Variants in SERPINE2 observed in about 807,000 individuals in gnomAD.
The protein encoded by SERPINE2 is glia-derived nexin.
In SERPINE2, 14 loss-of-function variants were observed where a neutral mutation model predicts 36.3. The observed-to-expected ratio is 0.39, with a 90% confidence interval of 0.25 to 0.60. The LOEUF (loss-of-function observed/expected upper bound fraction) is 0.60, where lower values mean the gene tolerates loss of function less well. SERPINE2 is among the 20% of genes least tolerant of loss of function. The pLI is 0.57. For missense variants in SERPINE2, 418 were observed against 499.6 expected, an observed-to-expected ratio of 0.84 and a Z score of 1.56; for synonymous variants, 192 against 191.8, an observed-to-expected ratio of 1.00 and a Z score of -0.01.
chr2:223,979,444 G>T (rs1250875217), intron 7 of SERPINE2: 1 of 152,140 alleles, frequency 6.6e-6, no homozygotes, highest in Non-Finnish European at 1.5e-5. Context: ...TTCGAGAAAG[G>T]CAATAACACA....
chr2:224,013,484 G>A (rs1387112911), intron 1 of SERPINE2, among the ~76,000 whole-genome samples: 1 of 152,188 alleles, frequency 6.6e-6, no homozygotes, highest in Non-Finnish European at 1.5e-5. Flanking sequence ...GGAAGAGGAG[G>A]GAAGCAGGGG....
At chr2:224,026,289 G>T (rs1338283669) in intron 1 of SERPINE2, among the ~76,000 whole-genome samples, 2 of 152,182 alleles carry the variant, frequency 1.3e-5, no homozygotes, top group Admixed American at 6.5e-5. Context: ...ACATATTTGG[G>T]TTTATTTGTT....
At chr2:223,977,671 C>A (rs980473728) in intron 7 of SERPINE2, 44 bp from the exon 8 acceptor site, 2 of 1,339,826 alleles carry the variant, frequency 1.5e-6, no homozygotes, top group African/African-American at 2.9e-5. Flanking sequence ...TTACATGAGA[C>A]CATGTAAGCA....
chr2:224,006,600 G>A (rs1344569793), intron 1 of SERPINE2, among the ~76,000 whole-genome samples: 3 of 152,272 alleles, frequency 2.0e-5, no homozygotes, highest in South Asian at 2.1e-4. Flanking sequence ...GGAAGCTCAC[G>A]GAAAGCAGGG....
intron 4 of SERPINE2, among the ~76,000 whole-genome samples, chr2:223,988,403 C>A (rs1012631354): frequency 6.6e-6 from 1 of 152,104 alleles, no homozygotes; most frequent in African/African-American, 2.4e-5. Flanking sequence ...AACTCCCAGG[C>A]TCAAGCCATC....
chr2:224,001,397 G>C (rs1401120689), intron 2 of SERPINE2, among the ~76,000 whole-genome samples: 1 of 152,192 alleles, frequency 6.6e-6, no homozygotes, highest in Non-Finnish European at 1.5e-5. Context: ...CCTGGGAAAG[G>C]AGACCTAGTG....
intron 1 of SERPINE2, among the ~76,000 whole-genome samples, chr2:224,009,631 G>T (rs1412530500): frequency 6.6e-6 from 1 of 151,994 alleles, no homozygotes; most frequent in African/African-American, 2.4e-5. Flanking sequence ...GGAGGTGGAG[G>T]CTGCAGTGAG....
intron 4 of SERPINE2, among the ~76,000 whole-genome samples, chr2:223,985,319 A>G (rs1043453373): frequency 6.7e-6 from 1 of 149,282 alleles, no homozygotes; most frequent in Admixed American, 6.6e-5. Context: ...TTTTTTTTAA[A>G]TAAAGTGTAT....
At chr2:224,029,350 G>A (rs1293572709) in intron 1 of SERPINE2, among the ~76,000 whole-genome samples, 1 of 149,056 alleles carries the variant, frequency 6.7e-6, no homozygotes, top group African/African-American at 2.5e-5. Context: ...GCTGTATGAA[G>A]TCCAAAGTGG....
At chr2:224,038,714 A>G (rs1271338818) in intron 1 of SERPINE2, 1 of 605,096 alleles carries the variant, frequency 1.7e-6, no homozygotes, top group Non-Finnish European at 3.0e-6. Context: ...GCCGGCGAGC[A>G]GCTGGAAACC....
intron 1 of SERPINE2, among the ~76,000 whole-genome samples, chr2:224,033,434 AAC>A (rs1487737009): frequency 3.9e-5 from 6 of 152,218 alleles, no homozygotes; most frequent in African/African-American, 1.4e-4. Context: ...ATCTAGACTT[AAC>A]ACTTATGAGA....
intron 1 of SERPINE2, among the ~76,000 whole-genome samples, chr2:224,016,811 G>A (rs1303930194): frequency 6.6e-6 from 1 of 152,152 alleles, no homozygotes; most frequent in Non-Finnish European, 1.5e-5. Context: ...ATAAACTACT[G>A]ACACACAAAA....
intron 4 of SERPINE2, 124 bp downstream of exon 4, chr2:223,991,679 T>C: frequency 1.0e-6 from 1 of 996,386 alleles, no homozygotes. Flanking sequence ...CTCAGCACCC[T>C]GCTCTGTTCC....
At chr2:223,995,205 C>G (rs1052728217) in intron 3 of SERPINE2, among the ~76,000 whole-genome samples, 5 of 152,140 alleles carry the variant, frequency 3.3e-5, no homozygotes, top group African/African-American at 1.2e-4. Context: ...CCTGATGGGT[C>G]TCCTCCTGCA....
intron 1 of SERPINE2, among the ~76,000 whole-genome samples, chr2:224,024,763 C>T (rs1692128534): frequency 6.6e-6 from 1 of 152,220 alleles, no homozygotes; most frequent in South Asian, 2.1e-4. Context: ...TGCCCTGCTG[C>T]CAACATCCAA....
At chr2:224,024,458 T>G (rs1692118245) in intron 1 of SERPINE2, among the ~76,000 whole-genome samples, 1 of 152,216 alleles carries the variant, frequency 6.6e-6, no homozygotes, top group African/African-American at 2.4e-5. Context: ...CAGTTGATGC[T>G]AATGCCTTGT....
intron 3 of SERPINE2, among the ~76,000 whole-genome samples, chr2:223,995,550 T>C (rs781219657): frequency 6.7e-6 from 1 of 149,508 alleles, no homozygotes; most frequent in Non-Finnish European, 1.5e-5. Context: ...CACCTACTTA[T>C]AATTATCTGA....
intron 1 of SERPINE2, among the ~76,000 whole-genome samples, chr2:224,015,401 A>G (rs984584599): frequency 6.6e-6 from 1 of 152,200 alleles, no homozygotes; most frequent in African/African-American, 2.4e-5. Context: ...GATGGACTGG[A>G]AGTGACTGGA....
At chr2:224,018,372 A>T (rs559563636) in intron 1 of SERPINE2, among the ~76,000 whole-genome samples, 31 of 152,234 alleles carry the variant, frequency 2.0e-4, no homozygotes, top group Non-Finnish European at 4.4e-4. Context: ...AACACATTCC[A>T]TGATAGAAGT....
Sources: allele counts gnomAD v4.1 joint callset (sites outside exome capture counted in the v4.1 genomes callset), GRCh38; gene constraint gnomAD v4.1.1; transcripts MANE v1.5; gene names NCBI Gene and HGNC (gene_info 2026-07-23, HGNC 2026-07-21).